FRMD4B: variants seen among roughly 807,000 people sequenced by gnomAD.
FRMD4B encodes FERM domain containing 4B, also known as FERM domain-containing protein 4B.
FRMD4B carries 74 observed loss-of-function variants against 141.5 expected under a neutral mutation model. That is an observed-to-expected ratio of 0.52 (90% CI 0.43 to 0.63). The LOEUF is 0.63. Ranked by LOEUF, FRMD4B falls within the 30% of genes least tolerant of loss-of-function variation. The probability of loss-of-function intolerance (pLI) is 0.00; values close to 1 mark genes in which losing one functional copy is unlikely to be tolerated. For missense variants in FRMD4B, 1,366 were observed against 1,253.4 expected, an observed-to-expected ratio of 1.09 and a Z score of -1.36; for synonymous variants, 506 against 467.9, an observed-to-expected ratio of 1.08 and a Z score of -1.05.
intron 1 of FRMD4B, among the ~76,000 whole-genome samples, chr3:69,366,549 A>G (rs1163315787): frequency 6.6e-6 from 1 of 152,150 alleles, no homozygotes; most frequent in South Asian, 2.1e-4. Flanking sequence ...TATGATATGT[A>G]TGTCACTATA....
At chr3:69,418,087 G>A (rs1413637412) in intron 2 of FRMD4B, among the ~76,000 whole-genome samples, 1 of 152,054 alleles carries the variant, frequency 6.6e-6, no homozygotes, top group Non-Finnish European at 1.5e-5. Context: ...AGTCTTTGAT[G>A]TATATATATG....
chr3:69,494,719 C>G (rs972426279), intron 1 of FRMD4B, among the ~76,000 whole-genome samples: 3 of 152,260 alleles, frequency 2.0e-5, no homozygotes, highest in Middle Eastern at 3.4e-3. Flanking sequence ...TGGTGAAACC[C>G]TGTCTCTACT....
intron 2 of FRMD4B, among the ~76,000 whole-genome samples, chr3:69,415,354 G>T (rs79117385): frequency 6.6e-6 from 1 of 152,276 alleles, no homozygotes; most frequent in East Asian, 1.9e-4. Context: ...GGATTGGGGA[G>T]CAGATCCATG....
chr3:69,273,830 A>ATAATAGGAAGAAT (rs2093605970), intron 5 of FRMD4B, among the ~76,000 whole-genome samples: 4 of 152,100 alleles, frequency 2.6e-5, no homozygotes, highest in African/African-American at 7.2e-5. Context: ...AGAATTCAAC[A>ATAATAGGAAGAAT]TAATAGGAAG....
chr3:69,278,141 A>T (rs994431522), intron 5 of FRMD4B, among the ~76,000 whole-genome samples: 1 of 152,250 alleles, frequency 6.6e-6, no homozygotes, highest in Non-Finnish European at 1.5e-5. Context: ...GGCTTGAGCC[A>T]CTGTGCCTGG....
intron 11 of FRMD4B, among the ~76,000 whole-genome samples, chr3:69,211,664 A>G (rs547171376): frequency 1.3e-5 from 2 of 152,268 alleles, no homozygotes; most frequent in Admixed American, 1.3e-4. Context: ...AAGCCACATA[A>G]TTGTAACAAG....
intron 1 of FRMD4B, among the ~76,000 whole-genome samples, chr3:69,480,083 T>C (rs1041721086): frequency 1.3e-5 from 2 of 152,182 alleles, no homozygotes; most frequent in African/African-American, 4.8e-5. Flanking sequence ...CTTCTCTGTA[T>C]TGGTTATTCT....
chr3:69,539,748 A>G (rs1252506558), intron 1 of FRMD4B, among the ~76,000 whole-genome samples: 1 of 152,208 alleles, frequency 6.6e-6, no homozygotes, highest in East Asian at 1.9e-4. Flanking sequence ...AAGTGATTAA[A>G]CTTCTACCAT....
chr3:69,439,596 A>C (rs558968582), intron 1 of FRMD4B, among the ~76,000 whole-genome samples: 1 of 152,302 alleles, frequency 6.6e-6, no homozygotes, highest in East Asian at 1.9e-4. Flanking sequence ...CTCCTTTGAG[A>C]AATGCTGCTG....
intron 2 of FRMD4B, among the ~76,000 whole-genome samples, chr3:69,399,135 A>G (rs1257662666): frequency 6.6e-6 from 1 of 152,234 alleles, no homozygotes; most frequent in Non-Finnish European, 1.5e-5. Context: ...GCTGTCCTCA[A>G]TCCACATGAA....
intron 7 of FRMD4B, among the ~76,000 whole-genome samples, chr3:69,243,959 T>C (rs1454956489): frequency 6.6e-6 from 1 of 152,086 alleles, no homozygotes; most frequent in Non-Finnish European, 1.5e-5. Context: ...GGTAGGAGAA[T>C]TGCTTGAACC....
chr3:69,469,693 T>C (rs1705855856), intron 1 of FRMD4B, among the ~76,000 whole-genome samples: 1 of 152,192 alleles, frequency 6.6e-6, no homozygotes, highest in Admixed American at 6.5e-5. Context: ...ATTCAATTTA[T>C]GGAAAATTAA....
At chr3:69,310,902 A>C (rs529946034) in intron 3 of FRMD4B, among the ~76,000 whole-genome samples, 16 of 152,188 alleles carry the variant, frequency 1.1e-4, no homozygotes, top group Non-Finnish European at 1.9e-4. Context: ...CAACACCAAC[A>C]CATCCACTCA....
intron 1 of FRMD4B, among the ~76,000 whole-genome samples, chr3:69,467,966 C>G (rs1203559521): frequency 6.6e-6 from 1 of 152,194 alleles, no homozygotes; most frequent in Admixed American, 6.5e-5. Flanking sequence ...TGAAGCTACC[C>G]TGAAAAGTTT....
chr3:69,244,024 G>C (rs774652630), intron 7 of FRMD4B, among the ~76,000 whole-genome samples: 1 of 152,106 alleles, frequency 6.6e-6, no homozygotes, highest in East Asian at 1.9e-4. Context: ...TAGCCTGGGC[G>C]ACAGAGTGAG....
chr3:69,239,712 G>C (rs1473424191), intron 7 of FRMD4B, among the ~76,000 whole-genome samples: 1 of 152,106 alleles, frequency 6.6e-6, no homozygotes, highest in African/African-American at 2.4e-5. Flanking sequence ...TGTTTAATGG[G>C]TGCAGAGTTT....
At chr3:69,177,269 G>A (rs1297443477) in intron 21 of FRMD4B, among the ~76,000 whole-genome samples, 4 of 152,132 alleles carry the variant, frequency 2.6e-5, no homozygotes, top group African/African-American at 9.7e-5. Context: ...AGCCCATGAA[G>A]TTTAAGTTGC....
intron 1 of FRMD4B, among the ~76,000 whole-genome samples, chr3:69,486,780 A>G (rs1026808209): frequency 2.6e-5 from 4 of 152,220 alleles, no homozygotes; most frequent in African/African-American, 9.6e-5. Flanking sequence ...AAACCCATAC[A>G]CTGATGTGAG....
At chr3:69,391,811 C>T (rs1704389824) in intron 2 of FRMD4B, among the ~76,000 whole-genome samples, 1 of 152,162 alleles carries the variant, frequency 6.6e-6, no homozygotes, top group South Asian at 2.1e-4. Flanking sequence ...AGGAGTATCC[C>T]ATGCACTGGA....
Sources: allele counts gnomAD v4.1 joint callset (sites outside exome capture counted in the v4.1 genomes callset), GRCh38; gene constraint gnomAD v4.1.1; transcripts MANE v1.5; gene names NCBI Gene and HGNC (gene_info 2026-07-23, HGNC 2026-07-21).